ITGBL1: variants seen among roughly 807,000 people sequenced by gnomAD.
The protein encoded by ITGBL1 is integrin beta-like protein 1.
Under a neutral mutation model 68.5 loss-of-function variants are expected in ITGBL1, and 51 were observed. The observed-to-expected ratio is 0.74, with a 90% CI of 0.59 to 0.94. ITGBL1 has a LOEUF of 0.94. Ranked by LOEUF, ITGBL1 falls within the 40% of genes least tolerant of loss-of-function variation. The pLI is 0.00. For missense variants in ITGBL1, 649 were observed against 647.4 expected, an observed-to-expected ratio of 1.00 and a Z score of -0.03; for synonymous variants, 209 against 227.3, an observed-to-expected ratio of 0.92 and a Z score of 0.72.
chr13:101,569,025 AACACACACACACACACACACAC>A (rs112814235), intron 3 of ITGBL1, among the ~76,000 whole-genome samples: 4 of 103,728 alleles, frequency 3.9e-5, no homozygotes, highest in Admixed American at 1.0e-4. Flanking sequence ...CACCCCTCCA[AACACACACACACACACACACAC>A]ACACACACAC....
chr13:101,553,127 A>G (rs980469786), intron 2 of ITGBL1, among the ~76,000 whole-genome samples: 1 of 152,170 alleles, frequency 6.6e-6, no homozygotes, highest in Non-Finnish European at 1.5e-5. Flanking sequence ...AGTCATGGAG[A>G]GACATTTGGC....
intron 2 of ITGBL1, 116 bp from the exon 3 acceptor site, chr13:101,567,583 G>T: frequency 1.1e-6 from 1 of 922,524 alleles, no homozygotes; most frequent in Non-Finnish European, 1.6e-6. Flanking sequence ...ATATACATGA[G>T]TTTCAATTTA....
At chr13:101,612,945 A>G (rs2031201319) in intron 7 of ITGBL1, among the ~76,000 whole-genome samples, 1 of 152,094 alleles carries the variant, frequency 6.6e-6, no homozygotes, top group Admixed American at 6.6e-5. Context: ...CCAGGCTCCA[A>G]CTGTGAGGGC....
At chr13:101,694,521 T>G (rs1040396339) in intron 8 of ITGBL1, among the ~76,000 whole-genome samples, 1 of 152,060 alleles carries the variant, frequency 6.6e-6, no homozygotes, top group African/African-American at 2.4e-5. Flanking sequence ...ACTCCTAGGC[T>G]CAAGCAATCC....
chr13:101,684,294 G>T (rs972404726), intron 7 of ITGBL1, among the ~76,000 whole-genome samples: 1 of 151,734 alleles, frequency 6.6e-6, no homozygotes, highest in Non-Finnish European at 1.5e-5. Context: ...ATTTCAAAAG[G>T]TATTTCTACC....
chr13:101,564,957 C>T (rs1203461524), intron 2 of ITGBL1, among the ~76,000 whole-genome samples: 2 of 151,942 alleles, frequency 1.3e-5, no homozygotes, highest in African/African-American at 2.4e-5. Context: ...AGTTACACTG[C>T]CACAAGCCAA....
intron 7 of ITGBL1, among the ~76,000 whole-genome samples, chr13:101,627,607 T>G (rs780432353): frequency 6.6e-6 from 1 of 152,110 alleles, no homozygotes; most frequent in Non-Finnish European, 1.5e-5. Context: ...TCCCCTGTGC[T>G]CCACCTGTTC....
intron 7 of ITGBL1, among the ~76,000 whole-genome samples, chr13:101,621,400 A>T (rs1186261571): frequency 6.6e-6 from 1 of 152,146 alleles, no homozygotes; most frequent in Non-Finnish European, 1.5e-5. Flanking sequence ...CCCCTTGCAG[A>T]CATTCCAGCA....
intron 7 of ITGBL1, among the ~76,000 whole-genome samples, chr13:101,607,486 C>A (rs1008673123): frequency 4.6e-5 from 7 of 151,784 alleles, no homozygotes; most frequent in Admixed American, 1.3e-4. Flanking sequence ...TCAATCAATC[C>A]TCTTTTTATT....
intron 9 of ITGBL1, among the ~76,000 whole-genome samples, chr13:101,709,126 G>A (rs1595000180): frequency 6.6e-6 from 1 of 152,036 alleles, no homozygotes; most frequent in Admixed American, 6.5e-5. Context: ...AGCACTTTGG[G>A]AGGCCGAGGC....
rs370147248 is a variant in ITGBL1, at chr13:101,536,276, A to C, written c.317-31423A>C. The stretch of plus-strand genomic sequence containing the variant: ...CTGAAGTCAGGCTTACTAATAGAAC[A>C]AATTGTATTTTTATTTTTAACTTCT... On this transcript the variant is annotated intron_variant, in intron 2 of 10. Transcript: ENST00000376180. Among the ~76,000 whole-genome samples, 10 of 152,118 alleles carry C rather than the reference A, an allele frequency of 6.6e-5. No homozygotes were observed. In the East Asian group the frequency reaches 1.9e-3, roughly 29 times the overall value.
intron 4 of ITGBL1, among the ~76,000 whole-genome samples, chr13:101,578,469 T>A (rs1220968842): frequency 1.3e-5 from 2 of 152,088 alleles, no homozygotes; most frequent in Admixed American, 6.6e-5. Context: ...AGAAGTAAAA[T>A]TTGGGATAAA....
chr13:101,514,456 T>C (rs1165594973), intron 2 of ITGBL1, among the ~76,000 whole-genome samples: 1 of 145,842 alleles, frequency 6.9e-6, no homozygotes, highest in South Asian at 2.1e-4. Context: ...ATTATTATTA[T>C]TTTTTTTGGT....
intron 7 of ITGBL1, among the ~76,000 whole-genome samples, chr13:101,677,905 C>T (rs975633571): frequency 2.6e-5 from 4 of 152,144 alleles, no homozygotes; most frequent in African/African-American, 7.2e-5. Flanking sequence ...AAATGGCTTA[C>T]ATCCCGAATA....
rs1453774727 is a variant in ITGBL1, at chr13:101,553,791, T to C, written c.317-13908T>C. Reference sequence around the variant, plus strand: ...GCTGTGTCCATATTTCCCCCCTTTTTTTGAGACAGAGTTTCTCTCATTGCC... The same window carrying C: ...GCTGTGTCCATATTTCCCCCCTTTTCTTGAGACAGAGTTTCTCTCATTGCC... On this transcript the variant is annotated intron_variant, in intron 2 of 10. Coordinates refer to ENST00000376180, the MANE Select transcript of ITGBL1 (RefSeq NM_004791.3). Among the ~76,000 whole-genome samples, 3 of 152,032 alleles carry C rather than the reference T, an allele frequency of 2.0e-5. No individual in the cohort carries two copies. The East Asian group carries it at 5.8e-4, about 29-fold the overall frequency.
intron 2 of ITGBL1, among the ~76,000 whole-genome samples, chr13:101,546,596 G>T (rs965379454): frequency 2.6e-5 from 4 of 151,668 alleles, no homozygotes; most frequent in Admixed American, 2.6e-4. Flanking sequence ...ACTCATAACA[G>T]AACAAACAAA....
At chr13:101,554,326 C>T (rs1047853794) in intron 2 of ITGBL1, among the ~76,000 whole-genome samples, 7 of 152,144 alleles carry the variant, frequency 4.6e-5, no homozygotes, top group South Asian at 2.1e-4. Flanking sequence ...TGTGGATTTT[C>T]CCTGGAGTCA....
intron 2 of ITGBL1, among the ~76,000 whole-genome samples, chr13:101,519,965 T>C (rs770161826): frequency 2.0e-5 from 3 of 152,172 alleles, no homozygotes; most frequent in Non-Finnish European, 4.4e-5. Flanking sequence ...TAAAGCCATG[T>C]GTGTATATAG....
intron 7 of ITGBL1, among the ~76,000 whole-genome samples, chr13:101,679,154 C>A (rs371058283): frequency 1.3e-5 from 2 of 152,106 alleles, no homozygotes; most frequent in Non-Finnish European, 2.9e-5. Flanking sequence ...GATCTGCCCT[C>A]CTCAGCCTCC....
Sources: allele counts gnomAD v4.1 joint callset (sites outside exome capture counted in the v4.1 genomes callset), GRCh38; gene constraint gnomAD v4.1.1; transcripts MANE v1.5; gene names NCBI Gene and HGNC (gene_info 2026-07-23, HGNC 2026-07-21).